The following TENM4 variants were observed in gnomAD, a reference collection of about 807,000 sequenced individuals.
TENM4 encodes the protein teneurin transmembrane protein 4, also known as teneurin-4.
TENM4 carries 82 observed loss-of-function variants against 243.3 expected under a neutral mutation model. The observed-to-expected ratio is 0.34, with a 90% confidence interval of 0.28 to 0.40. TENM4 has a LOEUF of 0.40. Among genes scored for constraint, TENM4 ranks in the 10% least tolerant of loss-of-function variants. The pLI, the probability that TENM4 is intolerant of heterozygous loss-of-function variation, is 1.00. For missense variants in TENM4, 3,138 were observed against 3,673.3 expected (o/e 0.85, Z 3.77); for synonymous variants, 1,412 against 1,456.3 (o/e 0.97, Z 0.69).
chr11:78,841,242 C>G lies in TENM4; in HGVS notation c.1681+12862G>C, dbSNP rs1206284151. On this transcript the variant is annotated intron_variant, in intron 12 of 33. Transcript: ENST00000278550. ...ATCTTTCTTGCCCAAAGTCCCACTG[C>G]TATTAAGTGGCAGAGACTGTATTCA... is the stretch of plus-strand genomic sequence containing the variant. Among the ~76,000 whole-genome samples the G allele has an allele frequency of 3.3e-5, 5 of 152,310 alleles. No homozygotes were observed. In the South Asian group the frequency reaches 1.0e-3, roughly 32 times the overall value.
At chr11:79,111,230 T>C (rs1255277427) in intron 4 of TENM4, among the ~76,000 whole-genome samples, 2 of 152,176 alleles carry the variant, frequency 1.3e-5, no homozygotes, top group African/African-American at 4.8e-5. Context: ...TCCCCAGCCA[T>C]GTAAAACTGT....
chr11:78,666,696 TG>T (rs1858166639), intron 32 of TENM4, among the ~76,000 whole-genome samples: 1 of 152,222 alleles, frequency 6.6e-6, no homozygotes, highest in South Asian at 2.1e-4. Context: ...CCTAGCTCTG[TG>T]GTCTACATCT....
At chr11:78,961,722 C>G (rs1175191032) in intron 6 of TENM4, among the ~76,000 whole-genome samples, 1 of 151,826 alleles carries the variant, frequency 6.6e-6, no homozygotes, top group East Asian at 1.9e-4. Context: ...ATGGTTGTGA[C>G]AGTGCCTGGC....
At chr11:78,826,383 G>A (rs763337857) in intron 12 of TENM4, among the ~76,000 whole-genome samples, 1 of 152,048 alleles carries the variant, frequency 6.6e-6, no homozygotes, top group Non-Finnish European at 1.5e-5. Context: ...CACCATGCTC[G>A]GCCGGTCTCC....
At chr11:79,232,083 GA>G (rs917863195) in intron 2 of TENM4, among the ~76,000 whole-genome samples, 4 of 151,634 alleles carry the variant, frequency 2.6e-5, no homozygotes, top group Non-Finnish European at 5.9e-5. Context: ...GTCTGGAAAA[GA>G]AAAAAGAAAA....
At chr11:78,997,418 T>C (rs1195766663) in intron 6 of TENM4, among the ~76,000 whole-genome samples, 1 of 152,220 alleles carries the variant, frequency 6.6e-6, no homozygotes, top group Non-Finnish European at 1.5e-5. Context: ...CTTTCTTTGC[T>C]AAACCATTCA....
intron 9 of TENM4, among the ~76,000 whole-genome samples, chr11:78,868,548 G>C (rs1859045198): frequency 6.6e-6 from 1 of 152,188 alleles, no homozygotes; most frequent in Admixed American, 6.5e-5. Flanking sequence ...TTCCTGTCCA[G>C]TGAGACATGA....
At chr11:79,043,700 A>G (rs1264280210) in intron 6 of TENM4, among the ~76,000 whole-genome samples, 1 of 152,220 alleles carries the variant, frequency 6.6e-6, no homozygotes, top group Non-Finnish European at 1.5e-5. Flanking sequence ...GGTTCTCTAT[A>G]AACATCTGAT....
chr11:78,972,375 G>C (rs1393306119), intron 6 of TENM4, among the ~76,000 whole-genome samples: 1 of 152,032 alleles, frequency 6.6e-6, no homozygotes, highest in Non-Finnish European at 1.5e-5. Context: ...AGTTATGTTG[G>C]AAAAATGGTC....
At chr11:78,794,711 A>G (rs1385621529) in intron 15 of TENM4, among the ~76,000 whole-genome samples, 1 of 152,234 alleles carries the variant, frequency 6.6e-6, no homozygotes. Context: ...GCGGAAGAGC[A>G]GAAAATGTAG....
At chr11:78,795,666 C>T (rs935926470) in intron 15 of TENM4, among the ~76,000 whole-genome samples, 31 of 152,126 alleles carry the variant, frequency 2.0e-4, no homozygotes, top group African/African-American at 7.5e-4. Flanking sequence ...GTGCACAATG[C>T]CAGCCACCAT....
intron 1 of TENM4, among the ~76,000 whole-genome samples, chr11:79,360,814 C>T (rs77352324): frequency 1.0e-3 from 153 of 152,226 alleles, no homozygotes; most frequent in African/African-American, 3.5e-3. Context: ...TAAATTTAAC[C>T]CACAACTACA....
intron 16 of TENM4, among the ~76,000 whole-genome samples, chr11:78,785,972 T>A (rs1046310438): frequency 4.1e-5 from 4 of 96,510 alleles, no homozygotes; most frequent in Non-Finnish European, 1.1e-4. Context: ...AGACCCTTCA[T>A]TTAAAAAAAA....
chr11:78,738,601 T>A, intron 19 of TENM4, 31 bp from the exon 20 acceptor site: 1 of 1,606,760 alleles, frequency 6.2e-7, no homozygotes, highest in Non-Finnish European at 8.5e-7. Context: ...ATAAACATGA[T>A]ACACCTTTCA....
At chr11:78,699,369 T>C (rs73496525) in intron 28 of TENM4, among the ~76,000 whole-genome samples, 32,848 of 152,206 alleles carry the variant, frequency 0.22, 3,670 homozygotes, top group African/African-American at 0.26. Context: ...ACATACTCAC[T>C]GTGTGGTTTC....
At chr11:78,856,387 T>A (rs1565409040) in intron 10 of TENM4, among the ~76,000 whole-genome samples, 2 of 151,528 alleles carry the variant, frequency 1.3e-5, no homozygotes, top group Non-Finnish European at 2.9e-5. Context: ...GATGCTCAAA[T>A]TATTCTGCTA....
intron 4 of TENM4, among the ~76,000 whole-genome samples, chr11:79,138,474 A>G (rs1193946716): frequency 8.5e-6 from 1 of 118,156 alleles, no homozygotes; most frequent in Non-Finnish European, 1.6e-5. Context: ...AATATATTAT[A>G]TACAAATAAT....
intron 2 of TENM4, among the ~76,000 whole-genome samples, chr11:79,266,042 C>T (rs1391143694): frequency 2.0e-5 from 3 of 152,174 alleles, no homozygotes; most frequent in Non-Finnish European, 4.4e-5. Context: ...AGTAGCACTC[C>T]CACTTGCCTC....
chr11:78,767,597 C>T (rs1479632574), intron 18 of TENM4, among the ~76,000 whole-genome samples: 2 of 152,188 alleles, frequency 1.3e-5, no homozygotes, highest in African/African-American at 4.8e-5. Context: ...GTTGTCCTGT[C>T]TGTAAACATG....
Sources: gnomAD v4.1 joint callset for allele counts (sites outside exome capture counted in the v4.1 genomes callset) on GRCh38, gnomAD v4.1.1 for gene constraint, MANE v1.5 for transcripts, NCBI Gene and HGNC (gene_info 2026-07-23, HGNC 2026-07-21) for gene names.